Variants in SPAG16 observed in about 807,000 individuals in gnomAD.
SPAG16 encodes the protein sperm associated antigen 16.
Under a neutral mutation model 80.4 loss-of-function variants are expected in SPAG16, and 86 were observed. The ratio of observed to expected loss-of-function variants is 1.07; its 90% confidence interval spans 0.90 to 1.28. The LOEUF is 1.28. SPAG16 is among the 50% of genes most tolerant of loss of function. The pLI is 0.00. For synonymous variants in SPAG16, 294 were observed against 265.9 expected, an observed-to-expected ratio of 1.11 and a Z score of -1.03; for missense variants, 870 against 765.3, an observed-to-expected ratio of 1.14 and a Z score of -1.61.
intron 6 of SPAG16, among the ~76,000 whole-genome samples, chr2:213,350,066 T>G (rs991005861): frequency 2.6e-5 from 4 of 152,204 alleles, no homozygotes; most frequent in Non-Finnish European, 5.9e-5. Context: ...TCAAAATGTT[T>G]TTATACTTAA....
At chr2:213,863,725 G>T (rs988904011) in intron 11 of SPAG16, among the ~76,000 whole-genome samples, 3 of 151,984 alleles carry the variant, frequency 2.0e-5, no homozygotes, top group African/African-American at 7.2e-5. Context: ...TAGCTACTGG[G>T]CATACTAATC....
At chr2:213,634,694 A>G (rs1294299266) in intron 10 of SPAG16, among the ~76,000 whole-genome samples, 1 of 152,100 alleles carries the variant, frequency 6.6e-6, no homozygotes, top group African/African-American at 2.4e-5. Flanking sequence ...ATTTTGGTGC[A>G]CCTATAACCC....
At chr2:214,312,666 T>C (rs1695413054) in intron 15 of SPAG16, among the ~76,000 whole-genome samples, 1 of 152,160 alleles carries the variant, frequency 6.6e-6, no homozygotes, top group African/African-American at 2.4e-5. Flanking sequence ...ACACTAATAA[T>C]CTTTTATCAC....
At chr2:214,398,655 G>C (rs1325704563) in intron 15 of SPAG16, among the ~76,000 whole-genome samples, 1 of 152,206 alleles carries the variant, frequency 6.6e-6, no homozygotes, top group African/African-American at 2.4e-5. Context: ...CAGGTCATCG[G>C]AATGTAATAT....
intron 9 of SPAG16, among the ~76,000 whole-genome samples, chr2:213,407,761 G>GA (rs1196720493): frequency 1.4e-5 from 2 of 142,764 alleles, no homozygotes; most frequent in African/African-American, 5.1e-5. Context: ...GAGAGAGACA[G>GA]GAGAGAGGCA....
intron 13 of SPAG16, among the ~76,000 whole-genome samples, chr2:214,056,318 T>TAGAG (rs1332334966): frequency 1.0e-4 from 14 of 137,100 alleles, no homozygotes; most frequent in Admixed American, 1.0e-3. Context: ...CACACACGCA[T>TAGAG]AGAGAGAGAG....
At chr2:213,832,652 AACAG>A (rs919534767) in intron 10 of SPAG16, among the ~76,000 whole-genome samples, 1 of 152,132 alleles carries the variant, frequency 6.6e-6, no homozygotes, top group African/African-American at 2.4e-5. Flanking sequence ...GAAGAATTGG[AACAG>A]ACAGTCCTTG....
chr2:214,308,957 C>T (rs955650924), intron 15 of SPAG16, among the ~76,000 whole-genome samples: 2 of 152,248 alleles, frequency 1.3e-5, no homozygotes, highest in East Asian at 1.9e-4. Flanking sequence ...AGGAAATCCT[C>T]ATGGATGATA....
intron 11 of SPAG16, among the ~76,000 whole-genome samples, chr2:213,915,691 G>A (rs554589308): frequency 9.2e-5 from 14 of 152,186 alleles, no homozygotes; most frequent in South Asian, 2.1e-4. Flanking sequence ...CTGAGGAATC[G>A]CCACACTGTC....
chr2:213,323,504 C>G (rs916757155), intron 5 of SPAG16, among the ~76,000 whole-genome samples: 10 of 152,230 alleles, frequency 6.6e-5, no homozygotes, highest in Admixed American at 5.2e-4. Context: ...GAATTGGAAC[C>G]CTTGCACATT....
chr2:213,608,161 T>C (rs1188191178), intron 10 of SPAG16, among the ~76,000 whole-genome samples: 1 of 152,120 alleles, frequency 6.6e-6, no homozygotes, highest in Non-Finnish European at 1.5e-5. Flanking sequence ...ATAGATATTA[T>C]ACTTTCCATT....
At chr2:214,250,313 CTA>C (rs1690159757) in intron 15 of SPAG16, 1 of 151,888 alleles carries the variant, frequency 6.6e-6, no homozygotes, top group South Asian at 2.1e-4. Context: ...TTAAAAGTAA[CTA>C]AATCTCTTCA....
chr2:213,830,333 A>G (rs999363161), intron 10 of SPAG16, among the ~76,000 whole-genome samples: 3 of 152,112 alleles, frequency 2.0e-5, no homozygotes, highest in Non-Finnish European at 4.4e-5. Flanking sequence ...CAGATTCTCT[A>G]TCTGGGTCAC....
Position 213,337,473 on chromosome 2 carries a change from T to C in SPAG16, c.537-2690T>C, listed in dbSNP as rs572354688. 4.6e-5 allele frequency among the ~76,000 whole-genome samples: 7 copies of C among 152,274 alleles called. No individual in the cohort carries two copies. In the East Asian group the frequency reaches 1.2e-3, roughly 25 times the overall value. ...CTCATTGCAAAGAAGCTAAGAACCA[T>C]GATAAAACATTACAGGAGCTGTTTA... is the stretch of plus-strand genomic sequence containing the variant. On this transcript the variant is annotated intron_variant, in intron 5 of 15. Coordinates refer to ENST00000331683, the MANE Select transcript of SPAG16 (RefSeq NM_024532.5).
At chr2:214,123,419 T>A (rs1227626700) in intron 14 of SPAG16, among the ~76,000 whole-genome samples, 1 of 152,058 alleles carries the variant, frequency 6.6e-6, no homozygotes, top group African/African-American at 2.4e-5. Context: ...ATCGTTTGTT[T>A]TCTATATATG....
At chr2:213,404,088 C>T (rs1371977138) in intron 9 of SPAG16, among the ~76,000 whole-genome samples, 2 of 152,052 alleles carry the variant, frequency 1.3e-5, no homozygotes, top group East Asian at 1.9e-4. Context: ...ACATTCCATG[C>T]TCATGGGTAG....
chr2:213,356,161 A>G (rs191660380), intron 7 of SPAG16, among the ~76,000 whole-genome samples: 1 of 152,140 alleles, frequency 6.6e-6, no homozygotes. Context: ...CAGTATTTTA[A>G]TGAGGATTTT....
At chr2:214,316,814 T>C (rs1695729286) in intron 15 of SPAG16, among the ~76,000 whole-genome samples, 1 of 152,160 alleles carries the variant, frequency 6.6e-6, no homozygotes, top group Non-Finnish European at 1.5e-5. Flanking sequence ...AAGCAGCTGA[T>C]ATACTGCCCC....
At chr2:213,541,371 C>A (rs1372548035) in intron 10 of SPAG16, among the ~76,000 whole-genome samples, 3 of 152,190 alleles carry the variant, frequency 2.0e-5, no homozygotes, top group African/African-American at 7.2e-5. Flanking sequence ...GTAATCCTAG[C>A]ACTTTGGGAG....
Sources: gnomAD v4.1 joint callset for allele counts (sites outside exome capture counted in the v4.1 genomes callset) on GRCh38, gnomAD v4.1.1 for gene constraint, MANE v1.5 for transcripts, NCBI Gene and HGNC (gene_info 2026-07-23, HGNC 2026-07-21) for gene names.